CRY1: variants seen among roughly 807,000 people sequenced by gnomAD.
CRY1 encodes the protein cryptochrome circadian regulator 1.
CRY1 carries 45 observed loss-of-function variants against 76.0 expected under a neutral mutation model. That is an observed-to-expected ratio of 0.59 (90% CI 0.47 to 0.76). The LOEUF (loss-of-function observed/expected upper bound fraction) is 0.76, where lower values mean the gene tolerates loss of function less well. Among genes scored for constraint, CRY1 ranks in the 30% least tolerant of loss-of-function variants. The probability of loss-of-function intolerance (pLI) is 0.00; values close to 1 mark genes in which losing one functional copy is unlikely to be tolerated. For missense variants in CRY1, 587 were observed against 716.4 expected (o/e 0.82, Z 2.06); for synonymous variants, 248 against 244.0 (o/e 1.02, Z -0.15).
intron 2 of CRY1, among the ~76,000 whole-genome samples, chr12:107,018,361 T>G (rs551509642): frequency 6.6e-6 from 1 of 152,138 alleles, no homozygotes; most frequent in Non-Finnish European, 1.5e-5. Context: ...TGGTGGAGAC[T>G]CCTGGATCCT....
intron 1 of CRY1, among the ~76,000 whole-genome samples, chr12:107,057,401 C>T (rs548883640): frequency 1.3e-5 from 2 of 152,308 alleles, no homozygotes; most frequent in Admixed American, 6.5e-5. Context: ...AAAGCCCTGC[C>T]TACCCACTCG....
At chr12:107,084,202 C>T (rs1352798564) in intron 1 of CRY1, among the ~76,000 whole-genome samples, 1 of 152,176 alleles carries the variant, frequency 6.6e-6, no homozygotes, top group Non-Finnish European at 1.5e-5. Context: ...AATGGAAAAA[C>T]ATTCCATGCT....
intron 1 of CRY1, among the ~76,000 whole-genome samples, chr12:107,033,257 C>T (rs1952697859): frequency 6.6e-6 from 1 of 152,064 alleles, no homozygotes; most frequent in African/African-American, 2.4e-5. Flanking sequence ...TAAATTGAAT[C>T]CATAGCTTAA....
rs756103325 is a variant in CRY1, at chr12:107,001,944, T to C, written c.415A>G (p.Ile139Val). Reference sequence around the variant, plus strand: ...GGCGGTTGTCCACCATTGAGTTCTATGATCCTATAACAAGAGTTAGTAAAA... The same window carrying C: ...GGCGGTTGTCCACCATTGAGTTCTACGATCCTATAACAAGAGTTAGTAAAA... ...SHTLYDLDKI[I>V]ELNGGQPPLT... Residue 139 changes from isoleucine (I) to valine (V), a missense_variant, in exon 4 of 13, where the codon ATA (isoleucine) becomes GTA (valine). Coordinates refer to ENST00000008527, the MANE Select transcript of CRY1 (RefSeq NM_004075.5). The C allele has an allele frequency of 8.2e-6, 13 of 1,582,982 alleles. No individual in the cohort carries two copies. The highest frequency in any genetic ancestry group is 1.0e-5 in the Non-Finnish European group (12 of 1,171,218).
intron 1 of CRY1, among the ~76,000 whole-genome samples, chr12:107,053,460 G>C (rs1467154434): frequency 6.6e-6 from 1 of 152,116 alleles, no homozygotes; most frequent in Non-Finnish European, 1.5e-5. Context: ...GGGATTACAG[G>C]CATGTGCCAC....
At chr12:107,007,924 G>C (rs1190844314) in intron 2 of CRY1, among the ~76,000 whole-genome samples, 2 of 152,074 alleles carry the variant, frequency 1.3e-5, no homozygotes, top group Non-Finnish European at 2.9e-5. Flanking sequence ...TTTCCTTCTT[G>C]AGTTCAGTCA....
chr12:107,065,277 A>T (rs1356553648), intron 1 of CRY1, among the ~76,000 whole-genome samples: 4 of 152,040 alleles, frequency 2.6e-5, no homozygotes, highest in African/African-American at 9.7e-5. Flanking sequence ...CCTGGGCGAC[A>T]GAGTGAGACT....
At chr12:107,073,466 C>T (rs970408671) in intron 1 of CRY1, among the ~76,000 whole-genome samples, 12 of 152,172 alleles carry the variant, frequency 7.9e-5, no homozygotes, top group Non-Finnish European at 1.6e-4. Flanking sequence ...GTGACTCATG[C>T]CTGTAATCCC....
chr12:107,061,294 A>C (rs1257192206), intron 1 of CRY1, among the ~76,000 whole-genome samples: 1 of 152,104 alleles, frequency 6.6e-6, no homozygotes, highest in East Asian at 1.9e-4. Flanking sequence ...AGCACTCAGA[A>C]GTTAATTCAG....
intron 2 of CRY1, among the ~76,000 whole-genome samples, chr12:107,008,464 T>C (rs532781693): frequency 2.6e-5 from 4 of 152,278 alleles, no homozygotes; most frequent in African/African-American, 9.6e-5. Flanking sequence ...AAAAATGCTA[T>C]GATAAAGAAT....
chr12:107,056,221 A>G (rs953455703), intron 1 of CRY1, among the ~76,000 whole-genome samples: 3 of 152,250 alleles, frequency 2.0e-5, no homozygotes, highest in Non-Finnish European at 2.9e-5. Context: ...AAGGCTAGAC[A>G]TCGTTAGGGA....
intron 2 of CRY1, among the ~76,000 whole-genome samples, chr12:107,010,577 T>C (rs767764430): frequency 2.0e-5 from 3 of 152,336 alleles, no homozygotes; most frequent in Non-Finnish European, 2.9e-5. Context: ...TCAAACTTTT[T>C]CATTATTATA....
intron 1 of CRY1, among the ~76,000 whole-genome samples, chr12:107,024,154 T>C (rs1319702460): frequency 6.6e-6 from 1 of 152,222 alleles, no homozygotes; most frequent in Non-Finnish European, 1.5e-5. Flanking sequence ...CCCTAATCTC[T>C]GTTGTACCAT....
At chr12:107,055,570 A>G (rs1159215991) in intron 1 of CRY1, among the ~76,000 whole-genome samples, 3 of 152,162 alleles carry the variant, frequency 2.0e-5, no homozygotes, top group African/African-American at 7.2e-5. Context: ...CAGAACAAAG[A>G]AATAAAATTA....
Position 107,015,769 on chromosome 12 carries a change from C to CA in CRY1, c.267+6314dup, listed in dbSNP as rs561567084. 5.7e-4 allele frequency among the ~76,000 whole-genome samples: 87 copies of CA among 152,184 alleles called. No homozygotes were observed. In the East Asian group the frequency reaches 0.014, roughly 24 times the overall value. ...CATGATCTTGGCTCACTGCAGCCTCCAACTTTCCAGGCTAAAGTGATCCTC... is the reference window on the plus strand; with the variant it reads ...CATGATCTTGGCTCACTGCAGCCTCCAAACTTTCCAGGCTAAAGTGATCCTC... On this transcript the variant is annotated intron_variant, in intron 2 of 12. Coordinates refer to ENST00000008527, the MANE Select transcript of CRY1 (RefSeq NM_004075.5).
chr12:107,061,309 C>T (rs1029029169), intron 1 of CRY1, among the ~76,000 whole-genome samples: 2 of 151,876 alleles, frequency 1.3e-5, no homozygotes, highest in Non-Finnish European at 2.9e-5. Context: ...ATTCAGTGAA[C>T]CCTAAAAAAG....
At chr12:107,059,319 A>T (rs35651824) in intron 1 of CRY1, among the ~76,000 whole-genome samples, 45 of 152,210 alleles carry the variant, frequency 3.0e-4, no homozygotes, top group African/African-American at 1.1e-3. Flanking sequence ...TAGCATGATC[A>T]CAGCTCACTG....
rs879815008 is a variant in CRY1 at position 107,025,168 on chromosome 12, TA to T, written c.159-2977del. Among the ~76,000 whole-genome samples the T allele has an allele frequency of 2.5e-4, 38 of 152,278 alleles. 1 individual carries two copies. Among genetic ancestry groups the T allele is most frequent in the Admixed American group, 1.8e-3 (27 of 15,294 alleles). On this transcript the variant is annotated intron_variant, in intron 1 of 12. Transcript: ENST00000008527. ...CCCGTTAGGGAGTGGGGGTTTGAGATAGGGGTGAGAAACAGAGAAACAAACA... is the reference window on the plus strand; with the variant it reads ...CCCGTTAGGGAGTGGGGGTTTGAGATGGGGTGAGAAACAGAGAAACAAACA...
chr12:107,015,122 G>A (rs184262144), intron 2 of CRY1, among the ~76,000 whole-genome samples: 245 of 152,064 alleles, frequency 1.6e-3, no homozygotes, highest in African/African-American at 5.3e-3. Context: ...GTGATCCGCC[G>A]GCCTCAGCCT....
Sources: gnomAD v4.1 joint callset for allele counts (sites outside exome capture counted in the v4.1 genomes callset) on GRCh38, gnomAD v4.1.1 for gene constraint, MANE v1.5 for transcripts, NCBI Gene and HGNC (gene_info 2026-07-23, HGNC 2026-07-21) for gene names.